SYNPO2: variants seen among roughly 807,000 people sequenced by gnomAD.
The protein encoded by SYNPO2 is synaptopodin 2, also known as synaptopodin-2.
In SYNPO2, 56 loss-of-function variants were observed where a neutral mutation model predicts 85.0. That is an observed-to-expected ratio of 0.66 (90% confidence interval 0.53 to 0.82). SYNPO2 has a LOEUF of 0.82. Among genes scored for constraint, SYNPO2 ranks in the 40% least tolerant of loss-of-function variants. The pLI is 0.00. For missense variants in SYNPO2, 1,575 were observed against 1,534.2 expected (o/e 1.03, Z -0.44); for synonymous variants, 602 against 591.1 (o/e 1.02, Z -0.27).
intron 1 of SYNPO2, among the ~76,000 whole-genome samples, chr4:119,012,458 G>A (rs1737356592): frequency 7.1e-6 from 1 of 141,340 alleles, no homozygotes; most frequent in African/African-American, 2.6e-5. Flanking sequence ...GTATACATGT[G>A]TCATGGTGGT....
At chr4:118,981,063 C>T (rs751674647) in intron 1 of SYNPO2, among the ~76,000 whole-genome samples, 7 of 152,212 alleles carry the variant, frequency 4.6e-5, no homozygotes, top group African/African-American at 1.7e-4. Flanking sequence ...CTGCTCATTG[C>T]GCTGGTCCAG....
At chr4:118,887,166 A>AGT (rs71595329), upstream of SYNPO2, among the ~76,000 whole-genome samples, 12,177 of 138,916 alleles carry the variant, frequency 0.088, 616 homozygotes, top group East Asian at 0.2. Context: ...CATCTGAGTG[A>AGT]GTGTGTGTGT....
At chr4:118,996,950 A>G (rs1736623046) in intron 1 of SYNPO2, among the ~76,000 whole-genome samples, 1 of 150,640 alleles carries the variant, frequency 6.6e-6, no homozygotes, top group Non-Finnish European at 1.5e-5. Flanking sequence ...AAAAATTTAA[A>G]AGAAAAAAGG....
intron 1 of SYNPO2, among the ~76,000 whole-genome samples, chr4:118,906,259 G>GAT (rs778912412): frequency 9.5e-4 from 145 of 151,874 alleles, no homozygotes; most frequent in African/African-American, 2.6e-3. Flanking sequence ...TTAGAAGAGT[G>GAT]ATATATATAT....
chr4:119,028,748 AT>A (rs1467267485), intron 3 of SYNPO2, among the ~76,000 whole-genome samples: 1 of 150,808 alleles, frequency 6.6e-6, no homozygotes, highest in African/African-American at 2.4e-5. Context: ...AAAAGAGCTA[AT>A]TTTCAATCAT....
intron 4 of SYNPO2, among the ~76,000 whole-genome samples, chr4:119,053,490 C>T (rs1170572608): frequency 6.6e-6 from 1 of 152,198 alleles, no homozygotes; most frequent in Non-Finnish European, 1.5e-5. Context: ...GGTTGCTCTT[C>T]TTTCCTCACT....
At chr4:118,967,011 A>G (rs1578593882) in intron 1 of SYNPO2, among the ~76,000 whole-genome samples, 1 of 152,310 alleles carries the variant, frequency 6.6e-6, no homozygotes, top group Middle Eastern at 3.4e-3. Context: ...ATAGTTAACC[A>G]TTATTGAGCA....
At position 118,864,587 on chromosome 4, in the gene SYNPO2, T is replaced by A. The variant is rs374488177; in HGVS notation, c.12+13647T>A. 6.6e-5 allele frequency among the ~76,000 whole-genome samples: 10 copies of A among 152,330 alleles called. No individual in the cohort carries two copies. The South Asian group carries it at 2.1e-3, about 32-fold the overall frequency. ...ATTTCGATCTGTCTGTCTCGTTAGC[T>A]CTAGTAATATTTGCTTTATATATCC... On this transcript the variant is annotated intron_variant, in intron 1 of 4. Coordinates refer to the SYNPO2 transcript ENST00000610556.
In SYNPO2 at chr4:119,037,245, T is replaced by C. The variant is rs996021523; in HGVS notation, c.3252+5218T>C. On this transcript the variant is annotated intron_variant, in intron 4 of 4. Coordinates refer to ENST00000307142, the MANE Select transcript of SYNPO2 (RefSeq NM_133477.3). ...AAGGAAACACAAAGAAATCCTGCTT[T>C]CACATCTCCTATTTCTTGGGCTCCT... is the stretch of plus-strand genomic sequence containing the variant. 6.7e-6 allele frequency: 10 copies of C among 1,489,444 alleles called. No individual in the cohort carries two copies. In the African/African-American group the frequency reaches 1.4e-4, roughly 21 times the overall value. The allele number at this position is 1,489,444 out of a possible 1,614,324, so 92.3% of individuals were successfully genotyped here. A position where few individuals can be genotyped will look rare whatever the true frequency, so the allele number is the denominator to read the frequency against.
chr4:118,916,258 A>G (rs1733318963), intron 1 of SYNPO2, among the ~76,000 whole-genome samples: 1 of 150,928 alleles, frequency 6.6e-6, no homozygotes, highest in Non-Finnish European at 1.5e-5. Flanking sequence ...CTGCAGCCTC[A>G]ACCTGCTGGG....
At chr4:118,994,050 G>C (rs1380902994) in intron 1 of SYNPO2, among the ~76,000 whole-genome samples, 1 of 152,200 alleles carries the variant, frequency 6.6e-6, no homozygotes, top group African/African-American at 2.4e-5. Flanking sequence ...CTTCTAGGGG[G>C]CCTCTGGGTC....
At chr4:118,859,230 A>C (rs1731565276) in intron 1 of SYNPO2, among the ~76,000 whole-genome samples, 1 of 152,240 alleles carries the variant, frequency 6.6e-6, no homozygotes, top group Non-Finnish European at 1.5e-5. Context: ...CTAAGATAAA[A>C]GCAAGTTACA....
In SYNPO2 at chr4:119,023,408, C is replaced by T. The variant is rs201615103; in HGVS notation, c.106-22C>T. 8.8e-6 allele frequency: 14 copies of T among 1,586,870 alleles called. No homozygotes were observed. The African/African-American group carries it at 1.1e-4, about 12-fold the overall frequency. On this transcript the variant is annotated intron_variant, in intron 1 of 4. Transcript: ENST00000307142. ...TACAAATTATATCATTCTACTATGT[C>T]TTCTTTTTTTACTCCACTCAGATTC...
chr4:118,936,933 C>A lies in SYNPO2; in HGVS notation c.105+47792C>A, dbSNP rs117347541. On this transcript the variant is annotated intron_variant, in intron 1 of 4. Transcript: ENST00000307142. ...ATCCAGTCCACCACCAAGTCTTGTA[C>A]ATCAAATCTACTTCCACAATACACT... 4.5e-3 allele frequency among the ~76,000 whole-genome samples: 685 copies of A among 152,218 alleles called. 25 individuals are homozygous for A. The highest frequency in any genetic ancestry group is 0.035 in the Admixed American group (536 of 15,270).
intron 1 of SYNPO2, among the ~76,000 whole-genome samples, chr4:118,929,764 T>C (rs1733862168): frequency 6.6e-6 from 1 of 152,172 alleles, no homozygotes; most frequent in Non-Finnish European, 1.5e-5. Context: ...ACAGTGATTA[T>C]CATAGATCGA....
intron 4 of SYNPO2, chr4:119,036,663 AC>A: frequency 1.0e-6 from 1 of 985,288 alleles, no homozygotes; most frequent in Non-Finnish European, 1.2e-6. Context: ...TGCCAATGAA[AC>A]CCCATCTTCT....
intron 1 of SYNPO2, among the ~76,000 whole-genome samples, chr4:118,901,772 G>A (rs958601650): frequency 1.3e-5 from 2 of 152,162 alleles, no homozygotes; most frequent in African/African-American, 4.8e-5. Context: ...CCCCTTTTTG[G>A]TGAGGTCACC....
chr4:119,003,995 G>A (rs916876319), intron 1 of SYNPO2, among the ~76,000 whole-genome samples: 3 of 152,170 alleles, frequency 2.0e-5, no homozygotes, highest in East Asian at 1.9e-4. Context: ...GTAAATAAAC[G>A]ATATTTACAT....
chr4:118,933,833 T>G (rs1459099105), intron 1 of SYNPO2, among the ~76,000 whole-genome samples: 11 of 146,824 alleles, frequency 7.5e-5, no homozygotes, highest in African/African-American at 2.5e-4. Context: ...GTTGTTGTTT[T>G]TTTTTTTTTT....
Sources: gnomAD v4.1 joint callset for allele counts (sites outside exome capture counted in the v4.1 genomes callset) on GRCh38, gnomAD v4.1.1 for gene constraint, MANE v1.5 for transcripts, NCBI Gene and HGNC (gene_info 2026-07-23, HGNC 2026-07-21) for gene names.